AKR1C4: variants seen among roughly 807,000 people sequenced by gnomAD.
AKR1C4 encodes 3-alpha-HSD1.
Under a neutral mutation model 41.0 loss-of-function variants are expected in AKR1C4, and 44 were observed. The observed-to-expected ratio is 1.07, with a 90% CI of 0.84 to 1.38. The LOEUF (loss-of-function observed/expected upper bound fraction) is 1.38. Ranked by LOEUF, AKR1C4 falls within the 40% of genes most tolerant of loss-of-function variation. AKR1C4 has a pLI of 0.00. For missense variants in AKR1C4, 438 were observed against 387.9 expected, an observed-to-expected ratio of 1.13 and a Z score of -1.09; for synonymous variants, 165 against 137.7, an observed-to-expected ratio of 1.20 and a Z score of -1.39.
chr10:5,214,929 T>G (rs1161781787), intron 7 of AKR1C4, among the ~76,000 whole-genome samples: 3 of 152,222 alleles, frequency 2.0e-5, no homozygotes, highest in African/African-American at 7.2e-5. Flanking sequence ...TTGTGTTCTT[T>G]GAGCATGATG....
chr10:5,214,263 C>T (rs904091777), intron 7 of AKR1C4, among the ~76,000 whole-genome samples: 5 of 151,590 alleles, frequency 3.3e-5, no homozygotes, highest in African/African-American at 7.3e-5. Flanking sequence ...TCCATAAGTA[C>T]TTCACTGACA....
At chr10:5,213,226 T>A in intron 7 of AKR1C4, 67 bp downstream of exon 7, 2 of 1,590,514 alleles carry the variant, frequency 1.3e-6, no homozygotes, top group South Asian at 2.2e-5. Flanking sequence ...CTTGTAAGGT[T>A]CTCAGGACAC....
chr10:5,200,381 G>A (rs370658682), intron 2 of AKR1C4, 33 bp downstream of exon 2: 4 of 1,592,474 alleles, frequency 2.5e-6, no homozygotes, highest in African/African-American at 1.3e-5. Context: ...GTATGCACAT[G>A]TGTTTAATGG....
chr10:5,212,573 T>C (rs782430416), intron 5 of AKR1C4, 43 bp from the exon 6 acceptor site: 8 of 1,508,864 alleles, frequency 5.3e-6, no homozygotes, highest in Middle Eastern at 2.4e-4. Context: ...TTAACATATC[T>C]GTTTTGAATT....
In AKR1C4 at chr10:5,196,839, G is replaced by C; in HGVS notation, c.-29G>C. The stretch of plus-strand genomic sequence containing the variant: ...TGCCAGATGTTGCTGAAGGAAACAG[G>C]ATCTGCTTAGTGAAAGAAGTGGCAA... On this transcript the variant is annotated 5_prime_UTR_variant, in exon 1 of 9. Transcript: ENST00000263126. 2 of 1,610,758 alleles carry C rather than the reference G, an allele frequency of 1.2e-6. No homozygotes were observed. The highest frequency in any genetic ancestry group is 1.7e-6 in the Non-Finnish European group (2 of 1,176,960).
intron 5 of AKR1C4, chr10:5,207,470 G>A (rs1342271680): frequency 5.2e-6 from 2 of 384,444 alleles, no homozygotes; most frequent in East Asian, 7.5e-5. Context: ...GTGGACTGTT[G>A]ATGTTAACAG....
intron 1 of AKR1C4, among the ~76,000 whole-genome samples, chr10:5,198,458 C>A (rs1832346586): frequency 6.6e-6 from 1 of 152,182 alleles, no homozygotes. Context: ...GCTTTCTTTA[C>A]AAGACCGGAA....
intron 7 of AKR1C4, among the ~76,000 whole-genome samples, chr10:5,214,962 T>A (rs1203258308): frequency 6.6e-6 from 1 of 152,226 alleles, no homozygotes; most frequent in Non-Finnish European, 1.5e-5. Flanking sequence ...GGACAATTAC[T>A]GTCTTGAATT....
intron 3 of AKR1C4, 57 bp from the exon 4 acceptor site, chr10:5,205,700 C>T (rs1486591783): frequency 1.4e-6 from 2 of 1,446,334 alleles, no homozygotes; most frequent in East Asian, 2.3e-5. Flanking sequence ...TACATGGGAG[C>T]ATGCCTATGG....
intron 4 of AKR1C4, 21 bp downstream of exon 4, chr10:5,205,855 G>A (rs781946647): frequency 1.5e-5 from 24 of 1,602,296 alleles, no homozygotes; most frequent in Non-Finnish European, 2.0e-5. Flanking sequence ...GGAGGACAGA[G>A]TACAGAAAAG....
intron 7 of AKR1C4, among the ~76,000 whole-genome samples, chr10:5,215,510 C>G (rs1367312296): frequency 3.3e-5 from 5 of 152,086 alleles, no homozygotes; most frequent in African/African-American, 1.2e-4. Context: ...CTTTAAGTTC[C>G]AACATTAGGT....
chr10:5,202,543 T>A, intron 2 of AKR1C4: 1 of 437,208 alleles, frequency 2.3e-6, no homozygotes, highest in Non-Finnish European at 4.5e-6. Context: ...AGTACTATGT[T>A]TAATAGAAGT....
chr10:5,200,077 G>A, intron 1 of AKR1C4, 104 bp from the exon 2 acceptor site: 2 of 1,458,852 alleles, frequency 1.4e-6, no homozygotes, highest in Non-Finnish European at 1.9e-6. Context: ...GAAGAAGCGA[G>A]CCACACCCCC....
At chr10:5,204,721 G>T (rs1554797298) in intron 3 of AKR1C4, 5 of 654,988 alleles carry the variant, frequency 7.6e-6, no homozygotes, top group African/African-American at 1.8e-5. Context: ...AAAAATTCAA[G>T]AAAATAACAA....
chr10:5,216,743 G>GAA lies in AKR1C4; in HGVS notation c.881_882dup (p.Val295LysfsTer3). Reference sequence around the variant, plus strand: ...AATTCCAGTTGACATCAGAGGATATGAAAGTTCTAGATGGTCTAAACAGAA... The same window carrying GAA: ...AATTCCAGTTGACATCAGAGGATATGAAAAAGTTCTAGATGGTCTAAACAGAA... On this transcript the variant is annotated frameshift_variant, in exon 8 of 9. Coordinates refer to ENST00000263126, the MANE Select transcript of AKR1C4 (RefSeq NM_001818.5). LOFTEE classifies it low-confidence loss of function (END_TRUNC). 1 of 1,612,382 alleles carries GAA rather than the reference G, an allele frequency of 6.2e-7. No homozygotes were observed. Among genetic ancestry groups the GAA allele is most frequent in the Non-Finnish European group, 8.5e-7 (1 of 1,179,006 alleles).
At chr10:5,210,606 ATTTT>A (rs3039090) in intron 5 of AKR1C4, among the ~76,000 whole-genome samples, 17,269 of 144,788 alleles carry the variant, frequency 0.12, 1,176 homozygotes, top group Admixed American at 0.17. Context: ...CCAAACCTCA[ATTTT>A]TTTTTTTTTT....
chr10:5,217,941 T>C (rs1249032013), intron 8 of AKR1C4, among the ~76,000 whole-genome samples: 3 of 152,146 alleles, frequency 2.0e-5, no homozygotes, highest in Non-Finnish European at 4.4e-5. Flanking sequence ...TAACAAGTAA[T>C]AGACATGAGA....
chr10:5,214,117 G>T (rs1390227501), intron 7 of AKR1C4, among the ~76,000 whole-genome samples: 1 of 151,878 alleles, frequency 6.6e-6, no homozygotes, highest in Non-Finnish European at 1.5e-5. Context: ...AACTGGGATA[G>T]TAATTTGATT....
chr10:5,205,907 C>A, intron 4 of AKR1C4, 73 bp downstream of exon 4: 1 of 1,424,354 alleles, frequency 7.0e-7, no homozygotes, highest in Non-Finnish European at 9.7e-7. Flanking sequence ...CTTTCATATG[C>A]AACATTGGAA....
Sources: allele counts gnomAD v4.1 joint callset (sites outside exome capture counted in the v4.1 genomes callset), GRCh38; gene constraint gnomAD v4.1.1; transcripts MANE v1.5; gene names NCBI Gene and HGNC (gene_info 2026-07-23, HGNC 2026-07-21).